CA12: variants seen among roughly 807,000 people sequenced by gnomAD.
CA12 encodes the protein carbonic anhydrase 12, also known as carbonate dehydratase XII.
Under a neutral mutation model 46.8 loss-of-function variants are expected in CA12, and 36 were observed. The ratio of observed to expected loss-of-function variants is 0.77; its 90% CI spans 0.59 to 1.02. The LOEUF is 1.02. Among genes scored for constraint, CA12 ranks in the 50% least tolerant of loss-of-function variants. The pLI is 0.00. For missense variants in CA12, 436 were observed against 451.4 expected (o/e 0.97, Z 0.31); for synonymous variants, 202 against 187.0 (o/e 1.08, Z -0.65).
At chr15:63,332,652 G>T (rs903707770) in intron 8 of CA12, among the ~76,000 whole-genome samples, 20 of 152,230 alleles carry the variant, frequency 1.3e-4, no homozygotes, top group African/African-American at 4.8e-4. Context: ...AAAACTGACA[G>T]CTAAGTTCTG....
chr15:63,340,737 T>A lies in CA12; in HGVS notation c.572A>T (p.Gln191Leu), dbSNP rs2039067953. Residue 191 changes from glutamine to leucine, a missense_variant, in exon 6 of 11, where the codon CAA becomes CTA. By Grantham distance (113) the Gln-to-Leu change is moderately radical. Coordinates refer to ENST00000178638, the MANE Select transcript of CA12 (RefSeq NM_001218.5). The surrounding 1 kb of genome is among the most constrained non-coding windows in gnomAD (Gnocchi z 4.4). Reference protein sequence around the residue: ...PSYDKIFSHLQHVKYKGQEAF... With the variant: ...PSYDKIFSHLLHVKYKGQEAF... ...CCCCTCACCTTTGTACTTTACATGTTGAAGGTGACTGAAGATCTTGTCATA... is the reference window on the plus strand; with the variant it reads ...CCCCTCACCTTTGTACTTTACATGTAGAAGGTGACTGAAGATCTTGTCATA... 1 of 1,614,016 alleles carries A rather than the reference T, an allele frequency of 6.2e-7. No homozygotes were observed. The highest frequency in any genetic ancestry group is 1.1e-5 in the South Asian group (1 of 91,084).
In CA12 at chr15:63,341,128, C is replaced by T. The variant is rs1234271460; in HGVS notation, c.526-345G>A. On this transcript the variant is annotated intron_variant, in intron 5 of 10. Transcript: ENST00000178638. The surrounding 1 kb of genome is among the most constrained non-coding windows in gnomAD (Gnocchi z 5.2). ...AGGAGCTCTGAGTTCACAAAAGCCA[C>T]GTCAGACAAATGAGCATGTTGGGAA... Among the ~76,000 whole-genome samples, 4 of 152,032 alleles carry T rather than the reference C, an allele frequency of 2.6e-5. No individual in the cohort carries two copies. Among genetic ancestry groups the T allele is most frequent in the Non-Finnish European group, 2.9e-5 (2 of 68,022 alleles).
intron 1 of CA12, 101 bp downstream of exon 1, chr15:63,381,535 G>A: frequency 1.0e-6 from 1 of 972,206 alleles, no homozygotes; most frequent in African/African-American, 1.6e-5. Context: ...CACCTTCCCT[G>A]CTCCCCGCAG....
At chr15:63,367,636 C>G (rs1206622957) in intron 2 of CA12, among the ~76,000 whole-genome samples, 1 of 152,202 alleles carries the variant, frequency 6.6e-6, no homozygotes, top group Non-Finnish European at 1.5e-5. Flanking sequence ...CATTTCACAC[C>G]ATAGCTGACC....
chr15:63,376,789 C>T (rs750720160), intron 1 of CA12, among the ~76,000 whole-genome samples: 1 of 151,452 alleles, frequency 6.6e-6, no homozygotes, highest in African/African-American at 2.4e-5. Flanking sequence ...ATTACAGGCG[C>T]GCACCACCAC....
intron 2 of CA12, among the ~76,000 whole-genome samples, chr15:63,354,575 G>A (rs1318967975): frequency 6.6e-6 from 1 of 152,014 alleles, no homozygotes; most frequent in African/African-American, 2.4e-5. Flanking sequence ...CAAAAAAAGT[G>A]GCTTCTACAT....
At chr15:63,342,705 T>A (rs2039097065) in intron 4 of CA12, among the ~76,000 whole-genome samples, 1 of 152,136 alleles carries the variant, frequency 6.6e-6, no homozygotes. Context: ...ATGCCCTTGG[T>A]CAAGAGGAGA....
intron 2 of CA12, among the ~76,000 whole-genome samples, chr15:63,371,279 C>A (rs1189982081): frequency 6.6e-6 from 1 of 152,170 alleles, no homozygotes; most frequent in Non-Finnish European, 1.5e-5. Flanking sequence ...GGAGGATCTC[C>A]CCCTGATTTC....
Position 63,345,446 on chromosome 15 carries a change from C to T in CA12, c.429+31G>A, listed in dbSNP as rs747935785. The T allele has an allele frequency of 4.4e-6, 7 of 1,601,682 alleles. No homozygotes were observed. Among genetic ancestry groups the T allele is most frequent in the East Asian group, 2.2e-5 (1 of 44,856 alleles). ...AGGTGCCACACCACCCACTGCAGAG[C>T]AGCCTCTGCCAGACTGGCAGCCCTA... On this transcript the variant is annotated intron_variant, in intron 4 of 10. Transcript: ENST00000178638. This position sits in a 1 kb window ranked among gnomAD's most constrained non-coding sequence, Gnocchi z 4.3.
At chr15:63,344,672 C>T (rs192875359) in intron 4 of CA12, among the ~76,000 whole-genome samples, 4 of 152,286 alleles carry the variant, frequency 2.6e-5, no homozygotes, top group Admixed American at 2.0e-4. Flanking sequence ...CTATTTACCA[C>T]GGACTCCCCT....
chr15:63,343,939 G>T (rs2039113896), intron 4 of CA12, among the ~76,000 whole-genome samples: 1 of 152,020 alleles, frequency 6.6e-6, no homozygotes, highest in South Asian at 2.1e-4. Flanking sequence ...CTCACATTTT[G>T]CCCACTAGGA....
intron 2 of CA12, among the ~76,000 whole-genome samples, chr15:63,371,672 T>G (rs2039509312): frequency 1.3e-5 from 2 of 152,206 alleles, no homozygotes; most frequent in Non-Finnish European, 2.9e-5. Flanking sequence ...AACAGGGGTT[T>G]TCATCTATTT....
Position 63,374,878 on chromosome 15 carries a change from C to A in CA12, c.106+780G>T, listed in dbSNP as rs1034460561. Among the ~76,000 whole-genome samples the A allele has an allele frequency of 6.6e-6, 1 of 152,238 alleles. No individual in the cohort carries two copies. Among genetic ancestry groups the A allele is most frequent in the African/African-American group, 2.4e-5 (1 of 41,456 alleles). ...CCCTTCTGCTACCAAAACAATCGAT[C>A]TTGTGCATCTTCTGTGGCTGTGCCC... On this transcript the variant is annotated intron_variant, in intron 2 of 10. Coordinates refer to ENST00000178638, the MANE Select transcript of CA12 (RefSeq NM_001218.5). The surrounding 1 kb of genome is among the most constrained non-coding windows in gnomAD (Gnocchi z 4.4).
rs1408342837 is a variant in CA12, at chr15:63,345,284, G to A, written c.429+193C>T. 6.6e-6 allele frequency among the ~76,000 whole-genome samples: 1 copy of A among 152,214 alleles called. No homozygotes were observed. Among genetic ancestry groups the A allele is most frequent in the African/African-American group, 2.4e-5 (1 of 41,456 alleles). On this transcript the variant is annotated intron_variant, in intron 4 of 10. Transcript: ENST00000178638. This position sits in a 1 kb window ranked among gnomAD's most constrained non-coding sequence, Gnocchi z 4.3. The stretch of plus-strand genomic sequence containing the variant: ...AACTTAGCATGTTCAGGAGAAGAAA[G>A]GGACCAGGACAGTGCAGATGAGCTA...
intron 2 of CA12, among the ~76,000 whole-genome samples, chr15:63,370,154 A>G (rs1221934722): frequency 2.0e-5 from 3 of 152,204 alleles, no homozygotes; most frequent in African/African-American, 7.2e-5. Flanking sequence ...ATAGGAATTC[A>G]GTGTGCTGGT....
intron 8 of CA12, among the ~76,000 whole-genome samples, chr15:63,335,376 C>T (rs544068849): frequency 1.2e-4 from 18 of 152,192 alleles, no homozygotes; most frequent in South Asian, 6.2e-4. Context: ...TTAAATGATT[C>T]GGTCCAAATT....
At chr15:63,380,443 A>G (rs1055721177) in intron 1 of CA12, among the ~76,000 whole-genome samples, 3 of 152,222 alleles carry the variant, frequency 2.0e-5, no homozygotes, top group Non-Finnish European at 4.4e-5. Flanking sequence ...TTGGTCTTGG[A>G]GCAACTTAGG....
At position 63,346,602 on chromosome 15, in the gene CA12, T is replaced by A. The variant is rs200921717; in HGVS notation, c.214A>T (p.Thr72Ser). ...SDILQYDASL[T>S]PLEFQGYNLS... ...TTGTAGCCTTGGAACTCGAGGGGCG[T>A]GAGGCTGGCGTCATACTGGAGGATG... Residue 72 changes from threonine to serine, a missense_variant, in exon 3 of 11, where the codon ACG becomes TCG. Thr to Ser is a moderately conservative substitution (Grantham distance 58). Coordinates refer to ENST00000178638, the MANE Select transcript of CA12 (RefSeq NM_001218.5). 22 of 1,613,906 alleles carry A rather than the reference T, an allele frequency of 1.4e-5. No homozygotes were observed. The highest frequency in any genetic ancestry group is 9.3e-6 in the Non-Finnish European group (11 of 1,179,976).
chr15:63,348,687 G>A lies in CA12; in HGVS notation c.107-1978C>T, dbSNP rs558343973. 2.6e-5 allele frequency among the ~76,000 whole-genome samples: 4 copies of A among 152,284 alleles called. No homozygotes were observed. The South Asian group carries it at 8.3e-4, about 32-fold the overall frequency. On this transcript the variant is annotated intron_variant, in intron 2 of 10. Transcript: ENST00000178638. This position sits in a 1 kb window ranked among gnomAD's most constrained non-coding sequence, Gnocchi z 4.6. Reference sequence around the variant, plus strand: ...TGACTAAAGGGAACTGGATTAGAAGGGTTTTCTTTTCCCACAGTGGAGGTT... The same window carrying A: ...TGACTAAAGGGAACTGGATTAGAAGAGTTTTCTTTTCCCACAGTGGAGGTT...
Sources: gnomAD v4.1 joint callset for allele counts (sites outside exome capture counted in the v4.1 genomes callset) on GRCh38, gnomAD v4.1.1 for gene constraint, Gnocchi (gnomAD v3.1) non-coding constraint, MANE v1.5 for transcripts, NCBI Gene and HGNC (gene_info 2026-07-23, HGNC 2026-07-21) for gene names.